Variants in SLC12A2 observed in about 807,000 individuals in gnomAD.
The protein encoded by SLC12A2 is solute carrier family 12 member 2, also known as Na-K-2Cl cotransporter 1.
In SLC12A2, 67 loss-of-function variants were observed where a neutral mutation model predicts 136.3. The observed-to-expected ratio is 0.49, with a 90% CI of 0.40 to 0.60. The LOEUF is 0.60. Ranked by LOEUF, SLC12A2 falls within the 20% of genes least tolerant of loss-of-function variation. The pLI is 0.00. For missense variants in SLC12A2, 1,322 were observed against 1,534.7 expected (o/e 0.86, Z 2.32); for synonymous variants, 619 against 562.9 (o/e 1.10, Z -1.41).
chr5:128,159,640 G>T (rs182837462), intron 16 of SLC12A2, among the ~76,000 whole-genome samples: 3 of 152,266 alleles, frequency 2.0e-5, no homozygotes, highest in Admixed American at 6.5e-5. Context: ...ATGAAAAAAA[G>T]CTCATCGTCA....
At chr5:128,163,267 T>C (rs1318876521) in intron 17 of SLC12A2, among the ~76,000 whole-genome samples, 1 of 152,126 alleles carries the variant, frequency 6.6e-6, no homozygotes, top group Non-Finnish European at 1.5e-5. Context: ...AGTGGCTCAC[T>C]CCTGTAATCT....
chr5:128,119,000 TG>T (rs1254841164), intron 4 of SLC12A2, among the ~76,000 whole-genome samples: 1 of 152,094 alleles, frequency 6.6e-6, no homozygotes, highest in East Asian at 1.9e-4. Flanking sequence ...AAAACAAACT[TG>T]GGATTCAATG....
At chr5:128,091,373 T>C (rs760439881) in intron 1 of SLC12A2, among the ~76,000 whole-genome samples, 5 of 152,148 alleles carry the variant, frequency 3.3e-5, no homozygotes, top group Non-Finnish European at 7.4e-5. Context: ...CAGATACTGG[T>C]TTGTTAAATA....
intron 7 of SLC12A2, among the ~76,000 whole-genome samples, chr5:128,137,243 A>G (rs561168684): frequency 2.2e-4 from 34 of 152,184 alleles, no homozygotes; most frequent in African/African-American, 7.2e-4. Flanking sequence ...ATTTCATTTA[A>G]TTTTTCTCCT....
In SLC12A2 at chr5:128,153,606, T is replaced by C. The variant is rs181854125; in HGVS notation, c.2363+801T>C. Among the ~76,000 whole-genome samples, 117 of 152,264 alleles carry C rather than the reference T, an allele frequency of 7.7e-4. No homozygotes were observed. The Middle Eastern group carries it at 0.027, about 35-fold the overall frequency. Reference sequence around the variant, plus strand: ...TTTCTAATAGTTTATTAACCATCGGTATAAACTTTCTTTAGTCATGAGTAA... The same window carrying C: ...TTTCTAATAGTTTATTAACCATCGGCATAAACTTTCTTTAGTCATGAGTAA... On this transcript the variant is annotated intron_variant, in intron 15 of 26. Coordinates refer to ENST00000262461, the MANE Select transcript of SLC12A2 (RefSeq NM_001046.3).
intron 16 of SLC12A2, 61 bp downstream of exon 16, chr5:128,158,225 G>T: frequency 2.5e-6 from 3 of 1,219,614 alleles, no homozygotes; most frequent in Non-Finnish European, 2.4e-6. Context: ...TTAGGTTCAG[G>T]AATACATGTG....
chr5:128,180,566 C>T (rs1763676995), intron 22 of SLC12A2, among the ~76,000 whole-genome samples: 1 of 152,142 alleles, frequency 6.6e-6, no homozygotes, highest in South Asian at 2.1e-4. Context: ...TTTCATATTT[C>T]TAATTTCAGT....
chr5:128,146,794 A>G (rs1475487891), intron 10 of SLC12A2, among the ~76,000 whole-genome samples: 1 of 151,734 alleles, frequency 6.6e-6, no homozygotes, highest in African/African-American at 2.4e-5. Flanking sequence ...CCACAATACT[A>G]TCTTAACATA....
At chr5:128,112,726 G>A (rs1438789630) in intron 1 of SLC12A2, 88 bp from the exon 2 acceptor site, 1 of 993,472 alleles carries the variant, frequency 1.0e-6, no homozygotes, top group East Asian at 2.6e-5. Flanking sequence ...TCTTAAATAT[G>A]GTTAGATGTA....
intron 19 of SLC12A2, among the ~76,000 whole-genome samples, chr5:128,173,714 C>T (rs551447029): frequency 1.6e-4 from 25 of 152,248 alleles, no homozygotes; most frequent in African/African-American, 6.0e-4. Context: ...TTAAGGCCTG[C>T]GAGCTCTTAG....
chr5:128,130,659 G>A (rs1391157429), intron 4 of SLC12A2, among the ~76,000 whole-genome samples: 1 of 151,936 alleles, frequency 6.6e-6, no homozygotes, highest in African/African-American at 2.4e-5. Flanking sequence ...TTCAGCGTGG[G>A]CGACAGTGAA....
chr5:128,142,814 T>C (rs1301793638), intron 10 of SLC12A2, among the ~76,000 whole-genome samples: 2 of 152,186 alleles, frequency 1.3e-5, no homozygotes, highest in Non-Finnish European at 1.5e-5. Context: ...TCTTTCCATA[T>C]AAAAATTTAA....
At chr5:128,141,800 ATAT>A (rs766734872) in intron 9 of SLC12A2, 27 bp from the exon 10 acceptor site, 1 of 1,594,420 alleles carries the variant, frequency 6.3e-7, no homozygotes, top group South Asian at 1.1e-5. Context: ...GATATTAACT[ATAT>A]TATTCTTGTT....
chr5:128,135,984 T>G (rs572851157), intron 7 of SLC12A2, among the ~76,000 whole-genome samples, 176 bp downstream of exon 7: 80 of 152,262 alleles, frequency 5.3e-4, no homozygotes, highest in African/African-American at 1.9e-3. Flanking sequence ...TAAAAATTAC[T>G]TCTATTTACA....
Position 128,174,576 on chromosome 5 carries a change from A to C in SLC12A2, c.2839A>C (p.Thr947Pro), listed in dbSNP as rs760577700. Residue 947 changes from threonine (T) to proline (P), a missense_variant, in exon 20 of 27, where the codon ACC (threonine) becomes CCC (proline). Thr to Pro is a conservative substitution (Grantham distance 38). Around this residue, in one of 8 missense-constraint regions of SLC12A2, gnomAD observed 226 missense variants for 210.4 expected, o/e 1.07. Coordinates refer to ENST00000262461, the MANE Select transcript of SLC12A2 (RefSeq NM_001046.3). Reference sequence around the variant, plus strand: ...GTCATCACAAGAGAAATCTCCTGGCACCAAGGATGTGGTAGTAAGTGTGGA... The same window carrying C: ...GTCATCACAAGAGAAATCTCCTGGCCCCAAGGATGTGGTAGTAAGTGTGGA... ...LLSSQEKSPGTKDVVVSVEYS... is the reference protein window; with the variant it reads ...LLSSQEKSPGPKDVVVSVEYS... 6 of 1,609,360 alleles carry C rather than the reference A, an allele frequency of 3.7e-6. No individual in the cohort carries two copies. The highest frequency in any genetic ancestry group is 5.1e-6 in the Non-Finnish European group (6 of 1,177,150).
Position 128,189,249 on chromosome 5 carries a change from A to C in SLC12A2, c.*2618A>C, listed in dbSNP as rs941785261. ...TGCTGAATTGTGATTTTTTTATGCC[A>C]AATTTTTTTTAGTTCTAATCATTGA... On this transcript the variant is annotated 3_prime_UTR_variant, in exon 27 of 27. Transcript: ENST00000262461. 5 of 152,142 alleles carry C rather than the reference A, an allele frequency of 3.3e-5. No homozygotes were observed. Among genetic ancestry groups the C allele is most frequent in the Admixed American group, 6.6e-5 (1 of 15,264 alleles). The allele number at this position is 152,142 out of a possible 1,614,324, so 9.4% of individuals were successfully genotyped here.
intron 1 of SLC12A2, among the ~76,000 whole-genome samples, chr5:128,106,231 C>T (rs751438059): frequency 2.7e-4 from 41 of 152,136 alleles, no homozygotes; most frequent in Non-Finnish European, 4.0e-4. Context: ...GTGGAATATA[C>T]AGTAAAAACC....
intron 1 of SLC12A2, among the ~76,000 whole-genome samples, chr5:128,092,449 G>A (rs975714142): frequency 6.6e-6 from 1 of 152,146 alleles, no homozygotes; most frequent in African/African-American, 2.4e-5. Context: ...ACTAGCAGTT[G>A]TTGTGATTAT....
chr5:128,156,582 A>G (rs1183455700), intron 15 of SLC12A2, among the ~76,000 whole-genome samples: 1 of 152,188 alleles, frequency 6.6e-6, no homozygotes, highest in Non-Finnish European at 1.5e-5. Context: ...CTATTAGGGT[A>G]TGGGTTAAAC....
Sources: allele counts gnomAD v4.1 joint callset (sites outside exome capture counted in the v4.1 genomes callset), GRCh38; gene constraint gnomAD v4.1.1; regional missense constraint gnomAD v4.1.1; transcripts MANE v1.5; gene names NCBI Gene and HGNC (gene_info 2026-07-23, HGNC 2026-07-21).